Variants in ARHGAP22 observed in about 807,000 individuals in gnomAD.
ARHGAP22 encodes rho GTPase-activating protein 22.
Under a neutral mutation model 59.1 loss-of-function variants are expected in ARHGAP22, and 48 were observed. The observed-to-expected ratio is 0.81, with a 90% CI of 0.64 to 1.03. ARHGAP22 has a LOEUF of 1.03. Among genes scored for constraint, ARHGAP22 ranks in the 50% least tolerant of loss-of-function variants. The probability of loss-of-function intolerance (pLI) is 0.00; values close to 1 mark genes in which losing one functional copy is unlikely to be tolerated. For missense variants in ARHGAP22, 1,015 were observed against 958.7 expected, an observed-to-expected ratio of 1.06 and a Z score of -0.78; for synonymous variants, 445 against 416.4, an observed-to-expected ratio of 1.07 and a Z score of -0.84.
chr10:48,548,668 G>A (rs1415258619), intron 3 of ARHGAP22, among the ~76,000 whole-genome samples: 1 of 152,222 alleles, frequency 6.6e-6, no homozygotes, highest in African/African-American at 2.4e-5. Context: ...AACTTGGCCT[G>A]GGGCTGGATG....
chr10:48,597,100 C>T (rs191654540), intron 1 of ARHGAP22, among the ~76,000 whole-genome samples: 1 of 152,296 alleles, frequency 6.6e-6, no homozygotes, highest in Admixed American at 6.5e-5. Context: ...GATTGACTTC[C>T]ATCCCTTATG....
At chr10:48,468,074 T>C (rs889568113) in intron 4 of ARHGAP22, among the ~76,000 whole-genome samples, 3 of 152,244 alleles carry the variant, frequency 2.0e-5, no homozygotes, top group African/African-American at 7.2e-5. Context: ...AAATCTTTGA[T>C]GAACAAAAGA....
At chr10:48,575,578 C>G (rs1231314199) in intron 2 of ARHGAP22, 1 of 152,222 alleles carries the variant, frequency 6.6e-6, no homozygotes, top group Non-Finnish European at 1.5e-5. Context: ...CCCCACCAGT[C>G]TCAAGCTTTT....
intron 9 of ARHGAP22, among the ~76,000 whole-genome samples, chr10:48,449,304 TC>T (rs35194589): frequency 6.6e-6 from 1 of 152,152 alleles, no homozygotes; most frequent in Non-Finnish European, 1.5e-5. Flanking sequence ...TGCTGTGACT[TC>T]CCCCATGGCA....
At chr10:48,648,990 G>A (rs2062435807) in intron 1 of ARHGAP22, among the ~76,000 whole-genome samples, 1 of 152,176 alleles carries the variant, frequency 6.6e-6, no homozygotes, top group South Asian at 2.1e-4. Context: ...AGGGTGGGAA[G>A]AAGAAGAGCA....
At chr10:48,552,140 C>T (rs963352232) in intron 3 of ARHGAP22, among the ~76,000 whole-genome samples, 2 of 152,246 alleles carry the variant, frequency 1.3e-5, no homozygotes, top group East Asian at 3.8e-4. Context: ...TTAAAATTTA[C>T]GTAGTTAATT....
At chr10:48,523,811 C>T (rs2054055562) in intron 3 of ARHGAP22, among the ~76,000 whole-genome samples, 1 of 152,090 alleles carries the variant, frequency 6.6e-6, no homozygotes, top group African/African-American at 2.4e-5. Flanking sequence ...GGGGCCGGAC[C>T]CCACCCCCAC....
intron 4 of ARHGAP22, 120 bp downstream of exon 4, chr10:48,479,516 C>T: frequency 6.4e-7 from 1 of 1,567,536 alleles, no homozygotes; most frequent in Middle Eastern, 1.7e-4. Context: ...CTGTGAGAAG[C>T]ACAGGATGCA....
chr10:48,650,742 G>T (rs565227464), intron 1 of ARHGAP22, among the ~76,000 whole-genome samples: 1 of 152,296 alleles, frequency 6.6e-6, no homozygotes, highest in African/African-American at 2.4e-5. Context: ...GCAAGTGACT[G>T]TTCCTTCCAA....
chr10:48,431,176 G>A, the ARHGAP22 span: 1 of 1,551,370 alleles, frequency 6.4e-7, no homozygotes, highest in Non-Finnish European at 8.9e-7. Flanking sequence ...GTTCATTTTT[G>A]TTTACTTCTT....
intron 4 of ARHGAP22, among the ~76,000 whole-genome samples, chr10:48,468,733 T>C (rs1420967701): frequency 3.9e-5 from 6 of 152,212 alleles, no homozygotes; most frequent in Non-Finnish European, 5.9e-5. Context: ...ACTGAGTTTT[T>C]TTGGTGCCCC....
chr10:48,550,614 T>G (rs561420028), intron 3 of ARHGAP22, among the ~76,000 whole-genome samples: 2 of 152,366 alleles, frequency 1.3e-5, no homozygotes, highest in Admixed American at 1.3e-4. Flanking sequence ...AGGTTTCAGA[T>G]GGCGAAACCA....
At chr10:48,555,428 C>T (rs897411056) in intron 3 of ARHGAP22, 35 bp downstream of exon 3, 17 of 1,602,204 alleles carry the variant, frequency 1.1e-5, no homozygotes, top group Non-Finnish European at 1.4e-5. Flanking sequence ...AACACCCCCA[C>T]CAGGGCTGCA....
At chr10:48,456,751 G>A (rs969421686) in intron 5 of ARHGAP22, among the ~76,000 whole-genome samples, 2 of 152,088 alleles carry the variant, frequency 1.3e-5, no homozygotes, top group African/African-American at 4.8e-5. Context: ...GGGTCCTGCT[G>A]CTTGGCCCTG....
intron 1 of ARHGAP22, among the ~76,000 whole-genome samples, chr10:48,585,373 C>T (rs2059370369): frequency 6.6e-6 from 1 of 152,154 alleles, no homozygotes; most frequent in South Asian, 2.1e-4. Context: ...CTAACATTGG[C>T]CCCCTGATCC....
intron 3 of ARHGAP22, among the ~76,000 whole-genome samples, chr10:48,508,286 G>A (rs975767717): frequency 3.9e-5 from 6 of 152,196 alleles, no homozygotes; most frequent in African/African-American, 1.4e-4. Flanking sequence ...CTCAGGTAGC[G>A]GCCATGTGTG....
At chr10:48,579,176 CTT>C in intron 2 of ARHGAP22, among the ~76,000 whole-genome samples, 1 of 151,260 alleles carries the variant, frequency 6.6e-6, no homozygotes, top group Admixed American at 6.6e-5. Context: ...TTCCTTTGGT[CTT>C]AGGTTTCGGA....
chr10:48,604,880 C>A lies in ARHGAP22; in HGVS notation c.-84G>T. On this transcript the variant is annotated 5_prime_UTR_variant, in exon 1 of 10. Transcript: ENST00000249601. ...TTGCTCGTCCTCGCGCCTAGTCGCCCCTCATGTCCTGCTCGTTCGGGGCCC... is the reference window on the plus strand; with the variant it reads ...TTGCTCGTCCTCGCGCCTAGTCGCCACTCATGTCCTGCTCGTTCGGGGCCC... 1 of 1,605,586 alleles carries A rather than the reference C, an allele frequency of 6.2e-7. No individual in the cohort carries two copies. Among genetic ancestry groups the A allele is most frequent in the Admixed American group, 1.7e-5 (1 of 59,758 alleles).
chr10:48,617,088 GA>G (rs2061109117), intron 1 of ARHGAP22, among the ~76,000 whole-genome samples: 3 of 127,552 alleles, frequency 2.4e-5, no homozygotes, highest in Admixed American at 2.3e-4. Context: ...GAGATATATA[GA>G]AAAAAAGTTT....
Sources: gnomAD v4.1 joint callset for allele counts (sites outside exome capture counted in the v4.1 genomes callset) on GRCh38, gnomAD v4.1.1 for gene constraint, MANE v1.5 for transcripts, NCBI Gene and HGNC (gene_info 2026-07-23, HGNC 2026-07-21) for gene names.